The following SPDYE21 variants were observed in gnomAD, a reference collection of about 807,000 sequenced individuals.
SPDYE21 encodes the protein speedy/RINGO cell cycle regulator family member E21, also known as speedy protein E21.
A neutral mutation model predicts 36.2 loss-of-function variants in SPDYE21; 14 were observed. The observed-to-expected ratio is 0.39, with a 90% CI of 0.26 to 0.61. SPDYE21 has a LOEUF of 0.61. Among genes scored for constraint, SPDYE21 ranks in the 20% least tolerant of loss-of-function variants. The pLI, the probability that SPDYE21 is intolerant of heterozygous loss-of-function variation, is 0.55. For missense variants in SPDYE21, 233 were observed against 424.6 expected, an observed-to-expected ratio of 0.55 and a Z score of 3.97; for synonymous variants, 58 against 155.1, an observed-to-expected ratio of 0.37 and a Z score of 4.65.
intron 4 of SPDYE21, 70 bp from the exon 5 acceptor site, chr7:67,282,565 C>G: frequency 1.9e-6 from 3 of 1,596,228 alleles, no homozygotes; most frequent in Non-Finnish European, 2.5e-6. Flanking sequence ...AGGCACACTT[C>G]TCGCTGCCCT....
At chr7:67,281,099 C>CAAAAAAAA (rs3972832) in intron 3 of SPDYE21, among the ~76,000 whole-genome samples, 8 of 43,754 alleles carry the variant, frequency 1.8e-4, no homozygotes, top group African/African-American at 6.0e-4. Flanking sequence ...ACAACAACAA[C>CAAAAAAAA]AAAAAAAAAA....
chr7:67,282,263 C>G (rs1461009092), intron 4 of SPDYE21, among the ~76,000 whole-genome samples: 1 of 152,216 alleles, frequency 6.6e-6, no homozygotes, highest in East Asian at 1.9e-4. Context: ...ACCTAAGTGT[C>G]TCCATCCATA....
Position 67,287,594 on chromosome 7 carries a change from A to G in SPDYE21, c.*122A>G, listed in dbSNP as rs1345350710. 3.3e-5 allele frequency among the ~76,000 whole-genome samples: 5 copies of G among 150,574 alleles called. No homozygotes were observed. The highest frequency in any genetic ancestry group is 6.7e-5 in the Admixed American group (1 of 14,992). On this transcript the variant is annotated 3_prime_UTR_variant, in exon 9 of 9. Transcript: ENST00000424157. Reference sequence around the variant, plus strand: ...GCTAATGGCAGACACCAGGAAGGAGAAGAGGAACCATTTGTGCAGATCATC... The same window carrying G: ...GCTAATGGCAGACACCAGGAAGGAGGAGAGGAACCATTTGTGCAGATCATC...
At chr7:67,280,347 AG>A (rs1262973250) in intron 3 of SPDYE21, among the ~76,000 whole-genome samples, 20 of 152,014 alleles carry the variant, frequency 1.3e-4, no homozygotes, top group Non-Finnish European at 2.5e-4. Flanking sequence ...TTGAGGCTGC[AG>A]TGAGCTATGA....
rs533730710 is a variant in SPDYE21, at chr7:67,282,669, C to T, written c.645C>T (p.Asp215=). Reference sequence around the variant, plus strand: ...TCATTAAAAGATTCCTGGCCTGGGACAAAGATCTGAGGGTGTCGGACAAGG... The same window carrying T: ...TCATTAAAAGATTCCTGGCCTGGGATAAAGATCTGAGGGTGTCGGACAAGG... ...DPVIKRFLAW[D]KDLRVSDKYL... Residue 215 remains aspartate, a synonymous_variant, in exon 5 of 9, where the codon GAC becomes GAT. Coordinates refer to ENST00000424157, the MANE Select transcript of SPDYE21 (RefSeq NM_001382715.2). The T allele has an allele frequency of 1.0e-4, 156 of 1,556,594 alleles. No individual in the cohort carries two copies. The African/African-American group carries it at 2.1e-3, about 21-fold the overall frequency.
chr7:67,280,509 C>T (rs929633707), intron 3 of SPDYE21, among the ~76,000 whole-genome samples: 2 of 151,136 alleles, frequency 1.3e-5, no homozygotes, highest in Non-Finnish European at 2.9e-5. Flanking sequence ...CGAGACCAAC[C>T]AGACCAATAT....
Position 67,286,402 on chromosome 7 carries a change from G to T in SPDYE21, c.1114G>T (p.Gly372Cys), listed in dbSNP as rs1554402899. ...GTTCCAGTTCTTCTGTTCCATGAGC[G>T]GCAGGGCTTGGGTTTCCCCGGAGGA... is the stretch of plus-strand genomic sequence containing the variant. The part of the protein sequence containing the change: ...LRFQFFCSMS[G>C]RAWVSPEELE... Residue 372 changes from glycine to cysteine, a missense_variant, in exon 7 of 9, where the codon GGC becomes TGC. This residue lies in a region of SPDYE21 where 139 missense variants were observed against 175.8 expected (regional missense o/e 0.79). Transcript: ENST00000424157. 1.3e-5 allele frequency among the ~76,000 whole-genome samples: 2 copies of T among 152,110 alleles called. No homozygotes were observed. Among genetic ancestry groups the T allele is most frequent in the Admixed American group, 6.6e-5 (1 of 15,266 alleles).
rs1802701156 is a variant in SPDYE21 at position 67,284,747 on chromosome 7, C to CA, written c.755+749_755+750insA. Among the ~76,000 whole-genome samples, 9 of 151,638 alleles carry CA rather than the reference C, an allele frequency of 5.9e-5. No homozygotes were observed. The South Asian group carries it at 1.7e-3, about 28-fold the overall frequency. On this transcript the variant is annotated intron_variant, in intron 6 of 8. Coordinates refer to ENST00000424157, the MANE Select transcript of SPDYE21 (RefSeq NM_001382715.2). ...TCCCTGCTGGGGTCTCCTGGAGTCT[C>CA]TCCCCAAGCCAGGGGGCTTCCTAGT...
chr7:67,285,707 A>G (rs1802717500), intron 6 of SPDYE21, among the ~76,000 whole-genome samples: 1 of 152,152 alleles, frequency 6.6e-6, no homozygotes, highest in Admixed American at 6.5e-5. Context: ...TATATTTTTA[A>G]TAGAGACGAG....
At chr7:67,283,086 G>T (rs1802670908) in intron 5 of SPDYE21, among the ~76,000 whole-genome samples, 1 of 151,380 alleles carries the variant, frequency 6.6e-6, no homozygotes, top group African/African-American at 2.4e-5. Context: ...GATTATAGAT[G>T]TCAGCCACTG....
rs1802738809 is a variant in SPDYE21 at position 67,286,552 on chromosome 7, T to G, written c.1150-8T>G. ...CCCCGTCTTCTCAAAGGGCGTTTGTTTTTCCAGATCCAGGCTTATGACCCA... is the reference window on the plus strand; with the variant it reads ...CCCCGTCTTCTCAAAGGGCGTTTGTGTTTCCAGATCCAGGCTTATGACCCA... On this transcript the variant is annotated splice_polypyrimidine_tract_variant and splice_region_variant and intron_variant, in intron 7 of 8. Transcript: ENST00000424157. Among the ~76,000 whole-genome samples the G allele has an allele frequency of 6.6e-6, 1 of 151,656 alleles. No homozygotes were observed. Among genetic ancestry groups the G allele is most frequent in the South Asian group, 2.1e-4 (1 of 4,806 alleles).
At chr7:67,280,820 C>T (rs1802619941) in intron 3 of SPDYE21, among the ~76,000 whole-genome samples, 2 of 141,616 alleles carry the variant, frequency 1.4e-5, no homozygotes, top group South Asian at 4.7e-4. Flanking sequence ...CAGTGGCTCA[C>T]ACCTGTAATC....
rs866814319 is a variant in SPDYE21, at chr7:67,279,892, G to A, written c.235G>A (p.Glu79Lys). The change falls in exon 3 of 9, where the codon GAG becomes AAG. Residue 79 changes from glutamate to lysine, a missense_variant. Transcript: ENST00000424157. Reference protein sequence around the residue: ...KRKKEWSDESEEEPEKELAPE... With the variant: ...KRKKEWSDESKEEPEKELAPE... ...GAAGAAGGAGTGGTCAGATGAATCT[G>A]AGGAGGAGCCGGAGAAGGAGCTCGC... 1.9e-6 allele frequency: 3 copies of A among 1,565,290 alleles called. No individual in the cohort carries two copies. The highest frequency in any genetic ancestry group is 2.6e-6 in the Non-Finnish European group (3 of 1,158,216).
intron 3 of SPDYE21, among the ~76,000 whole-genome samples, 196 bp downstream of exon 3, chr7:67,280,232 C>T (rs149414524): frequency 0.11 from 16,541 of 151,996 alleles, 986 homozygotes; most frequent in East Asian, 0.35. Context: ...TAAAGGTTGG[C>T]GCTTGGGATG....
At chr7:67,284,427 T>A (rs1270690783) in intron 6 of SPDYE21, among the ~76,000 whole-genome samples, 1 of 107,524 alleles carries the variant, frequency 9.3e-6, no homozygotes. Context: ...CCAGCCTGGG[T>A]GACAGAGTGA....
chr7:67,279,982 C>T lies in SPDYE21; in HGVS notation c.325C>T (p.Gln109Ter), dbSNP rs565085602. The T allele has an allele frequency of 1.5e-5, 24 of 1,578,354 alleles. No individual in the cohort carries two copies. In the African/African-American group the frequency reaches 3.1e-4, roughly 20 times the overall value. ...LCGLKMKLKQ[Q>*]RVSPILPEHH... is the part of the protein sequence containing the mutation. The stretch of plus-strand genomic sequence containing the variant: ...TGGGCTTAAGATGAAGCTGAAGCAA[C>T]AGCGAGTGTCACCCATCCTCCCTGA... The change falls in exon 3 of 9, where the codon CAG (glutamine) becomes TAG (stop). Residue 109 changes from glutamine (Q) to a stop codon, truncating the protein, a stop_gained. Transcript: ENST00000424157. LOFTEE classifies it high-confidence loss of function.
chr7:67,281,057 A>G (rs1343269906), intron 3 of SPDYE21, among the ~76,000 whole-genome samples: 3 of 132,180 alleles, frequency 2.3e-5, no homozygotes, highest in Non-Finnish European at 4.8e-5. Context: ...ACTCCAGCCT[A>G]GGCCACAAAG....
Position 67,278,155 on chromosome 7 carries a change from A to G in SPDYE21, c.-422-137A>G, listed in dbSNP as rs571553023. Among the ~76,000 whole-genome samples the G allele has an allele frequency of 3.2e-5, 3 of 94,936 alleles. 1 individual carries two copies. The highest frequency in any genetic ancestry group is 6.4e-5 in the Non-Finnish European group (3 of 46,566). 62.3% of individuals were successfully genotyped at this position (94,936 alleles called of 152,430 possible). ...GATAATCTCACTCTTGCACATGATA[A>G]TCTCACTCTTGTACATGATAATCTC... On this transcript the variant is annotated intron_variant, in intron 1 of 8. Transcript: ENST00000424157.
Position 67,288,779 on chromosome 7 carries a change from C to T in SPDYE21, c.*1307C>T, listed in dbSNP as rs376089393. 0.17 allele frequency among the ~76,000 whole-genome samples: 24,700 copies of T among 143,902 alleles called. 2,797 individuals carry two copies. Among genetic ancestry groups the T allele is most frequent in the African/African-American group, 0.27 (10,493 of 39,196 alleles). 94.4% of individuals were successfully genotyped at this position (143,902 alleles called of 152,430 possible). On this transcript the variant is annotated 3_prime_UTR_variant, in exon 9 of 9. Coordinates refer to ENST00000424157, the MANE Select transcript of SPDYE21 (RefSeq NM_001382715.2). ...CATTTATAGCTATGTAGTAGTTCCC[C>T]TAAATTCTTGTAAAAATAAATTTTT... is the stretch of plus-strand genomic sequence containing the variant.
Sources: gnomAD v4.1 joint callset for allele counts (sites outside exome capture counted in the v4.1 genomes callset) on GRCh38, gnomAD v4.1.1 for gene constraint, gnomAD v4.1.1 regional missense constraint, MANE v1.5 for transcripts, NCBI Gene and HGNC (gene_info 2026-07-23, HGNC 2026-07-21) for gene names.